The following STRADA variants were observed in gnomAD, a reference collection of about 807,000 sequenced individuals.
STRADA encodes STE20-related kinase adapter protein alpha.
Under a neutral mutation model 55.0 loss-of-function variants are expected in STRADA, and 26 were observed. The observed-to-expected ratio is 0.47, with a 90% confidence interval of 0.35 to 0.66. STRADA has a LOEUF of 0.66. Ranked by LOEUF, STRADA falls within the 30% of genes least tolerant of loss-of-function variation. The pLI is 0.01. For synonymous variants in STRADA, 197 were observed against 210.9 expected (o/e 0.93, Z 0.57); for missense variants, 443 against 549.7 (o/e 0.81, Z 1.94).
At chr17:63,715,065 T>G (rs918065937) in intron 4 of STRADA, 1 of 152,180 alleles carries the variant, frequency 6.6e-6, no homozygotes, top group Non-Finnish European at 1.5e-5. Context: ...GAAAAAGTCC[T>G]TTGTGAAAGT....
intron 3 of STRADA, among the ~76,000 whole-genome samples, chr17:63,724,464 C>A (rs1308743094): frequency 6.8e-6 from 1 of 146,716 alleles, no homozygotes; most frequent in Non-Finnish European, 1.5e-5. Flanking sequence ...TTTTTTGAGA[C>A]GGAGTCTCCC....
At chr17:63,739,869 G>A (rs1272891596) in intron 1 of STRADA, among the ~76,000 whole-genome samples, 4 of 130,146 alleles carry the variant, frequency 3.1e-5, no homozygotes, top group African/African-American at 1.5e-4. Context: ...ATATGGCCCG[G>A]GACGGCTGCT....
chr17:63,725,377 A>G (rs1457051754), intron 3 of STRADA, among the ~76,000 whole-genome samples: 1 of 152,034 alleles, frequency 6.6e-6, no homozygotes, highest in East Asian at 2.0e-4. Flanking sequence ...TCAAAAACTC[A>G]GCCTTGCTCT....
chr17:63,706,869 G>T, intron 9 of STRADA, 130 bp from the exon 10 acceptor site: 2 of 700,882 alleles, frequency 2.9e-6, no homozygotes, highest in Non-Finnish European at 4.9e-6. Context: ...CTCCTTGCCT[G>T]TGCTACTGAA....
chr17:63,735,485 A>G (rs539920343), intron 1 of STRADA, among the ~76,000 whole-genome samples: 83 of 152,208 alleles, frequency 5.5e-4, no homozygotes, highest in Non-Finnish European at 8.8e-4. Context: ...TGCTTATAAT[A>G]ATGGCTTATG....
intron 1 of STRADA, among the ~76,000 whole-genome samples, chr17:63,730,533 C>T (rs567784231): frequency 7.2e-5 from 11 of 151,870 alleles, no homozygotes; most frequent in African/African-American, 2.7e-4. Flanking sequence ...GTAGCTGGAA[C>T]TACAGGTACA....
chr17:63,705,031 C>G (rs940346833), intron 10 of STRADA: 1 of 980,400 alleles, frequency 1.0e-6, no homozygotes, highest in Admixed American at 2.0e-5. Flanking sequence ...GTCGCTGCAG[C>G]AGGCCACACG....
intron 4 of STRADA, among the ~76,000 whole-genome samples, chr17:63,717,544 G>A (rs1376877061): frequency 6.6e-6 from 1 of 151,928 alleles, no homozygotes; most frequent in Non-Finnish European, 1.5e-5. Flanking sequence ...GCAGTAGTGC[G>A]ATCTCAGCTT....
intron 4 of STRADA, 180 bp from the exon 5 acceptor site, chr17:63,714,288 C>A: frequency 1.7e-6 from 1 of 594,558 alleles, no homozygotes; most frequent in Non-Finnish European, 3.1e-6. Context: ...GTAATCAGCA[C>A]TAATATCAGA....
Position 63,739,004 on chromosome 17 carries a change from T to C in STRADA, c.-45+2737A>G, listed in dbSNP as rs569113131. Among the ~76,000 whole-genome samples, 7 of 151,198 alleles carry C rather than the reference T, an allele frequency of 4.6e-5. No individual in the cohort carries two copies. In the South Asian group the frequency reaches 1.5e-3, roughly 32 times the overall value. On this transcript the variant is annotated intron_variant, in intron 1 of 12. Transcript: ENST00000336174. The stretch of plus-strand genomic sequence containing the variant: ...ATCTCTACTAAAATTACAAAAAAAA[T>C]TAGCCGGGTATGGTGGCGGGCGCCT...
chr17:63,707,294 A>T lies in STRADA; in HGVS notation c.706T>A (p.Tyr236Asn). 1 of 1,614,190 alleles carries T rather than the reference A, an allele frequency of 6.2e-7. No homozygotes were observed. The highest frequency in any genetic ancestry group is 1.1e-5 in the South Asian group (1 of 91,084). ...AGCCACGGCAGAACCTTGACACTGT[A>T]CTTGGGAAAATCGTGGACCACTCGC... ...RQRVVHDFPK[Y>N]SVKVLPWLSP... The change falls in exon 9 of 13, where the codon TAC becomes AAC. Residue 236 changes from tyrosine to asparagine, a missense_variant. Coordinates refer to ENST00000336174, the MANE Select transcript of STRADA (RefSeq NM_001003787.4).
intron 8 of STRADA, among the ~76,000 whole-genome samples, chr17:63,708,447 C>G (rs2036265774): frequency 6.6e-6 from 1 of 150,436 alleles, no homozygotes; most frequent in Non-Finnish European, 1.5e-5. Context: ...AGATCCACCC[C>G]TTGGCCTCCC....
chr17:63,703,879 G>A, intron 12 of STRADA, 126 bp downstream of exon 12: 3 of 1,611,062 alleles, frequency 1.9e-6, no homozygotes, highest in Non-Finnish European at 2.5e-6. Context: ...AAGGAGCAGT[G>A]TCTTTCAGGG....
intron 6 of STRADA, among the ~76,000 whole-genome samples, chr17:63,712,219 C>T (rs1425586776): frequency 2.6e-5 from 4 of 152,116 alleles, no homozygotes; most frequent in Admixed American, 6.5e-5. Flanking sequence ...AGTCTCTCTC[C>T]GTTTTGTTTT....
chr17:63,741,413 C>A (rs1272574127), intron 1 of STRADA: 1 of 152,332 alleles, frequency 6.6e-6, no homozygotes, highest in Non-Finnish European at 1.5e-5. Flanking sequence ...CGCCACTCTG[C>A]CTGAACAGGA....
Position 63,714,146 on chromosome 17 carries a change from C to G in STRADA, c.124-38G>C, listed in dbSNP as rs761057960. ...AAGAAAAATAGGTTAGTAGAGAAAA[C>G]TGGGGGTGGGATGGGAGTGGGGTGA... On this transcript the variant is annotated intron_variant, in intron 4 of 12. Coordinates refer to ENST00000336174, the MANE Select transcript of STRADA (RefSeq NM_001003787.4). The G allele has an allele frequency of 4.6e-6, 7 of 1,506,478 alleles. No individual in the cohort carries two copies. In the Middle Eastern group the frequency reaches 8.7e-4, roughly 188 times the overall value. 93.3% of individuals were successfully genotyped at this position (1,506,478 alleles called of 1,614,324 possible).
At chr17:63,703,856 A>G in intron 12 of STRADA, 105 bp from the exon 13 acceptor site, 1 of 1,611,358 alleles carries the variant, frequency 6.2e-7, no homozygotes, top group Non-Finnish European at 8.5e-7. Context: ...GTCGGAGCCA[A>G]CTCCATGAGA....
At position 63,713,470 on chromosome 17, in the gene STRADA, T is replaced by A. The variant is rs1385340326; in HGVS notation, c.284A>T (p.Glu95Val). The A allele has an allele frequency of 6.2e-7, 1 of 1,614,166 alleles. No homozygotes were observed. The highest frequency in any genetic ancestry group is 1.1e-5 in the South Asian group (1 of 91,078). The change falls in exon 6 of 13, where the codon GAG becomes GTG. Residue 95 changes from glutamate (E) to valine (V), a missense_variant. Transcript: ENST00000336174. ...GTTAATCCTCCGTACAGTCACGTAC[T>A]CTCCTGTTGGTTTGTACCTTGCTAG... is the stretch of plus-strand genomic sequence containing the variant. The part of the protein sequence containing the change: ...VNLARYKPTG[E>V]YVTVRRINLE...
intron 10 of STRADA, 158 bp from the exon 11 acceptor site, chr17:63,704,740 C>G (rs916304729): frequency 5.9e-6 from 9 of 1,521,932 alleles, no homozygotes; most frequent in Non-Finnish European, 7.9e-6. Flanking sequence ...TCCAATTTTC[C>G]CAAAGAAACG....
Sources: allele counts gnomAD v4.1 joint callset (sites outside exome capture counted in the v4.1 genomes callset), GRCh38; gene constraint gnomAD v4.1.1; transcripts MANE v1.5; gene names NCBI Gene and HGNC (gene_info 2026-07-23, HGNC 2026-07-21).